The following PALS1 variants were observed in gnomAD, a reference collection of about 807,000 sequenced individuals.
PALS1 encodes protein PALS1.
Under a neutral mutation model 78.9 loss-of-function variants are expected in PALS1, and 31 were observed. That is an observed-to-expected ratio of 0.39 (90% CI 0.30 to 0.53). The LOEUF is 0.53. PALS1 is among the 20% of genes least tolerant of loss of function. PALS1 has a pLI of 0.67. For missense variants in PALS1, 704 were observed against 826.5 expected (o/e 0.85, Z 1.82); for synonymous variants, 276 against 270.9 (o/e 1.02, Z -0.18).
chr14:67,242,868 T>C (rs1319661169), intron 1 of PALS1, among the ~76,000 whole-genome samples: 1 of 152,234 alleles, frequency 6.6e-6, no homozygotes, highest in Non-Finnish European at 1.5e-5. Flanking sequence ...TTGATTAACA[T>C]TAATTTGTTT....
chr14:67,272,862 T>C (rs985666635), intron 2 of PALS1, among the ~76,000 whole-genome samples: 4 of 152,054 alleles, frequency 2.6e-5, no homozygotes, highest in Non-Finnish European at 4.4e-5. Flanking sequence ...AGAGATGGGG[T>C]ATCACCATAT....
chr14:67,243,131 A>C lies in PALS1; in HGVS notation c.-237+1598A>C, dbSNP rs544948487. On this transcript the variant is annotated intron_variant, in intron 1 of 14. Transcript: ENST00000261681. ...TATTTCTCTGATATTTTCTGATTTC[A>C]GAGTGTCTAGAAAAAAATAGTATCT... 2.4e-3 allele frequency among the ~76,000 whole-genome samples: 358 copies of C among 152,260 alleles called. 4 individuals carry two copies. Among genetic ancestry groups the C allele is most frequent in the African/African-American group, 8.1e-3 (338 of 41,570 alleles).
At chr14:67,310,538 A>G (rs1407088980) in intron 8 of PALS1, among the ~76,000 whole-genome samples, 1 of 152,170 alleles carries the variant, frequency 6.6e-6, no homozygotes, top group Non-Finnish European at 1.5e-5. Context: ...GATGCTAGTT[A>G]TACAGGTCTG....
chr14:67,245,989 C>T (rs899280955), intron 1 of PALS1, among the ~76,000 whole-genome samples: 3 of 152,042 alleles, frequency 2.0e-5, no homozygotes, highest in Non-Finnish European at 4.4e-5. Context: ...AGTTCCATGA[C>T]CATTTGTTTA....
At chr14:67,327,294 G>T (rs142097768) in intron 14 of PALS1, among the ~76,000 whole-genome samples, 2 of 152,174 alleles carry the variant, frequency 1.3e-5, no homozygotes, top group East Asian at 3.9e-4. Flanking sequence ...AGAATTGCCG[G>T]ATCAAGTGAG....
At chr14:67,330,184 T>C (rs949467927) in intron 14 of PALS1, among the ~76,000 whole-genome samples, 8 of 150,040 alleles carry the variant, frequency 5.3e-5, no homozygotes, top group African/African-American at 1.9e-4. Flanking sequence ...AAAGGAATAA[T>C]CAGACACTTT....
chr14:67,329,550 T>TG (rs1295792645), intron 14 of PALS1, among the ~76,000 whole-genome samples: 1 of 152,190 alleles, frequency 6.6e-6, no homozygotes, highest in African/African-American at 2.4e-5. Flanking sequence ...ATCCCTGTCT[T>TG]GCGCCAGTTT....
At chr14:67,264,862 A>C (rs973373647) in intron 1 of PALS1, among the ~76,000 whole-genome samples, 3 of 152,352 alleles carry the variant, frequency 2.0e-5, no homozygotes, top group African/African-American at 7.2e-5. Context: ...TCAAGTTTAC[A>C]TCTGAGAAAG....
At chr14:67,293,455 T>C (rs920620954) in intron 4 of PALS1, among the ~76,000 whole-genome samples, 4 of 152,238 alleles carry the variant, frequency 2.6e-5, no homozygotes, top group Middle Eastern at 3.4e-3. Flanking sequence ...AAATGGGCTA[T>C]TGGGGAGGGA....
intron 1 of PALS1, among the ~76,000 whole-genome samples, chr14:67,268,597 T>C (rs1389422441): frequency 6.6e-6 from 1 of 152,216 alleles, no homozygotes; most frequent in Non-Finnish European, 1.5e-5. Context: ...CCATATAGGG[T>C]GACTTCCTAA....
intron 14 of PALS1, among the ~76,000 whole-genome samples, chr14:67,325,981 T>TTTC (rs1034017308): frequency 2.9e-5 from 4 of 140,252 alleles, no homozygotes; most frequent in African/African-American, 1.1e-4. Context: ...GCTCTTTTCT[T>TTTC]TTTTTTTTTT....
At chr14:67,284,547 TAAAAAAAAAAAAAAAAAAAA>T (rs36207191) in intron 3 of PALS1, among the ~76,000 whole-genome samples, 54 of 23,300 alleles carry the variant, frequency 2.3e-3, no homozygotes, top group South Asian at 3.9e-3. Context: ...GCTGCAGTGC[TAAAAAAAAAAAAAAAAAAAA>T]AAAAAAAAAA....
At chr14:67,329,384 C>T (rs562878585) in intron 14 of PALS1, among the ~76,000 whole-genome samples, 4 of 152,242 alleles carry the variant, frequency 2.6e-5, no homozygotes, top group East Asian at 1.9e-4. Context: ...TGGGCTGAGA[C>T]GATGGAGTTT....
intron 1 of PALS1, among the ~76,000 whole-genome samples, chr14:67,256,797 GACACAC>G (rs10654145): frequency 2.0e-5 from 3 of 147,678 alleles, no homozygotes; most frequent in African/African-American, 7.4e-5. Flanking sequence ...AGAAACTATT[GACACAC>G]ACACACACAC....
intron 1 of PALS1, among the ~76,000 whole-genome samples, chr14:67,258,208 T>G (rs1027526093): frequency 6.6e-6 from 1 of 151,992 alleles, no homozygotes; most frequent in South Asian, 2.1e-4. Context: ...ATATTTGCAG[T>G]CTAGTTGAGA....
chr14:67,303,467 T>C, intron 7 of PALS1, 55 bp from the exon 8 acceptor site: 2 of 1,354,654 alleles, frequency 1.5e-6, no homozygotes, highest in Non-Finnish European at 2.1e-6. Flanking sequence ...CATAAAATCA[T>C]GGAATGATTT....
chr14:67,284,429 T>TAAAAAAAAAAAAAAAAAAAAA lies in PALS1; in HGVS notation c.367+4907_367+4908insAAAAAAAAAAAAAAAAAAAAA, dbSNP rs530863294. ...CTTGGGCAACATAGACCCTATCTCT[T>TAAAAAAAAAAAAAAAAAAAAA]AAAAAAAAAAAAAAACAGCTGGGCA... On this transcript the variant is annotated intron_variant, in intron 3 of 14. Transcript: ENST00000261681. Among the ~76,000 whole-genome samples the TAAAAAAAAAAAAAAAAAAAAA allele has an allele frequency of 5.7e-4, 53 of 92,646 alleles. 2 individuals carry two copies. Among genetic ancestry groups the TAAAAAAAAAAAAAAAAAAAAA allele is most frequent in the African/African-American group, 2.0e-3 (32 of 15,860 alleles). The allele number at this position is 92,646 out of a possible 152,430, so 60.8% of individuals were successfully genotyped here. A position where few individuals can be genotyped will look rare whatever the true frequency, so the allele number is the denominator to read the frequency against.
chr14:67,309,835 CTT>C (rs1259128601), intron 8 of PALS1, among the ~76,000 whole-genome samples: 1 of 152,070 alleles, frequency 6.6e-6, no homozygotes, highest in Non-Finnish European at 1.5e-5. Flanking sequence ...AGCAAAAACA[CTT>C]TGAAAAACAA....
Position 67,324,897 on chromosome 14 carries a change from ATTTTTTTTTT to A in PALS1, c.1851+1101_1851+1110del, listed in dbSNP as rs1197663812. 2.1e-3 allele frequency among the ~76,000 whole-genome samples: 161 copies of A among 76,334 alleles called. 3 individuals carry two copies. The South Asian group carries it at 0.068, about 32-fold the overall frequency. The allele number at this position is 76,334 out of a possible 152,430, so 50.1% of individuals were successfully genotyped here. On this transcript the variant is annotated intron_variant, in intron 14 of 14. Coordinates refer to ENST00000261681, the MANE Select transcript of PALS1 (RefSeq NM_022474.4). Reference sequence around the variant, plus strand: ...AGCTACCACGCCCAGCCTTCCTTTCATTTTTTTTTTTTTTTTTTTTTTTTTGAGACTGAGT... The same window carrying A: ...AGCTACCACGCCCAGCCTTCCTTTCATTTTTTTTTTTTTTTGAGACTGAGT...
Sources: allele counts gnomAD v4.1 joint callset (sites outside exome capture counted in the v4.1 genomes callset), GRCh38; gene constraint gnomAD v4.1.1; transcripts MANE v1.5; gene names NCBI Gene and HGNC (gene_info 2026-07-23, HGNC 2026-07-21).